RARB: variants seen among roughly 807,000 people sequenced by gnomAD.
RARB encodes HBV-activated protein.
Under a neutral mutation model 51.9 loss-of-function variants are expected in RARB, and 17 were observed. The observed-to-expected ratio is 0.33, with a 90% CI of 0.22 to 0.49. The LOEUF (loss-of-function observed/expected upper bound fraction) is 0.49, where lower values mean the gene tolerates loss of function less well. Ranked by LOEUF, RARB falls within the 20% of genes least tolerant of loss-of-function variation. The pLI is 0.99. For missense variants in RARB, 369 were observed against 550.8 expected, an observed-to-expected ratio of 0.67 and a Z score of 3.30; for synonymous variants, 215 against 195.4, an observed-to-expected ratio of 1.10 and a Z score of -0.84.
At chr3:24,980,013 C>A (rs1696608197) in intron 2 of RARB, among the ~76,000 whole-genome samples, 1 of 152,150 alleles carries the variant, frequency 6.6e-6, no homozygotes, top group African/African-American at 2.4e-5. Flanking sequence ...GATTTTATTT[C>A]TCCTTCACTT....
At chr3:25,230,176 A>G (rs559051283) in intron 5 of RARB, among the ~76,000 whole-genome samples, 2 of 152,254 alleles carry the variant, frequency 1.3e-5, no homozygotes, top group African/African-American at 4.8e-5. Flanking sequence ...CATTCTAAAA[A>G]TAACTATTTG....
At chr3:25,358,690 G>C (rs112991350) in intron 5 of RARB, among the ~76,000 whole-genome samples, 10 of 152,190 alleles carry the variant, frequency 6.6e-5, no homozygotes, top group South Asian at 4.2e-4. Flanking sequence ...TAGCATGAAG[G>C]GTTGTTGAAT....
intron 2 of RARB, among the ~76,000 whole-genome samples, chr3:24,997,226 G>A (rs559603680): frequency 1.3e-4 from 19 of 151,974 alleles, no homozygotes; most frequent in Non-Finnish European, 2.5e-4. Context: ...TTTTTTGCTC[G>A]TTTTTATAGC....
At chr3:25,158,132 G>A (rs1181453467) in intron 4 of RARB, among the ~76,000 whole-genome samples, 3 of 152,138 alleles carry the variant, frequency 2.0e-5, no homozygotes, top group African/African-American at 4.8e-5. Context: ...TACTGCTCAC[G>A]TATTACCAGC....
chr3:25,374,501 G>A (rs1706397841), intron 5 of RARB, among the ~76,000 whole-genome samples: 1 of 152,206 alleles, frequency 6.6e-6, no homozygotes, highest in South Asian at 2.1e-4. Flanking sequence ...CCAAATCATG[G>A]AGAGTATAAG....
chr3:25,365,403 T>G (rs1706087650), intron 5 of RARB, among the ~76,000 whole-genome samples: 1 of 151,894 alleles, frequency 6.6e-6, no homozygotes, highest in African/African-American at 2.4e-5. Context: ...TGAGCCACCA[T>G]GCCTGTCTCA....
At chr3:25,191,800 G>T (rs1004029424) in intron 5 of RARB, among the ~76,000 whole-genome samples, 2 of 152,100 alleles carry the variant, frequency 1.3e-5, no homozygotes, top group African/African-American at 4.8e-5. Context: ...ACAAGGCACA[G>T]TAGTTTGCTT....
At chr3:25,252,861 T>C (rs542959002) in intron 5 of RARB, among the ~76,000 whole-genome samples, 49 of 152,340 alleles carry the variant, frequency 3.2e-4, no homozygotes, top group African/African-American at 7.5e-4. Flanking sequence ...TCATGACTTA[T>C]GGATCTTCTT....
intron 2 of RARB, among the ~76,000 whole-genome samples, chr3:24,987,780 CA>C (rs1452347255): frequency 7.2e-5 from 11 of 152,234 alleles, no homozygotes; most frequent in African/African-American, 2.7e-4. Flanking sequence ...AGACCTCTTT[CA>C]GCCCCCTATT....
chr3:25,327,251 G>A (rs1704747707), intron 5 of RARB, among the ~76,000 whole-genome samples: 2 of 152,130 alleles, frequency 1.3e-5, no homozygotes, highest in African/African-American at 4.8e-5. Context: ...GGAATTTCCT[G>A]AGAACTGAAG....
At position 25,136,112 on chromosome 3, in the gene RARB, C is replaced by T. The variant is rs370555877; in HGVS notation, c.-280+3904C>T. On this transcript the variant is annotated intron_variant, in intron 4 of 11. Coordinates refer to the RARB transcript ENST00000383772. ...TAGAATATAAGAATAACGTGCTGTC[C>T]GAAAACCTCAGAATATAAAGGATTT... Among the ~76,000 whole-genome samples the T allele has an allele frequency of 2.7e-4, 41 of 151,890 alleles. 1 individual carries two copies. In the South Asian group the frequency reaches 6.2e-3, roughly 23 times the overall value.
chr3:24,909,742 C>A (rs1009031927), intron 2 of RARB, among the ~76,000 whole-genome samples: 3 of 152,072 alleles, frequency 2.0e-5, no homozygotes, highest in Non-Finnish European at 4.4e-5. Flanking sequence ...TCTTGTTGTG[C>A]TCTGCTTACA....
At chr3:25,066,434 T>C (rs1259417980) in intron 3 of RARB, among the ~76,000 whole-genome samples, 3 of 152,192 alleles carry the variant, frequency 2.0e-5, no homozygotes, top group Non-Finnish European at 4.4e-5. Flanking sequence ...TTTGAGTAAA[T>C]AATTTGTGCC....
intron 5 of RARB, among the ~76,000 whole-genome samples, chr3:25,370,704 A>G (rs1431148371): frequency 6.6e-6 from 1 of 152,210 alleles, no homozygotes; most frequent in Non-Finnish European, 1.5e-5. Context: ...GCCTTGAGTG[A>G]CAGCTGAAGG....
At chr3:25,512,592 C>A (rs1697949984) in intron 3 of RARB, among the ~76,000 whole-genome samples, 2 of 152,374 alleles carry the variant, frequency 1.3e-5, no homozygotes, top group Middle Eastern at 3.4e-3. Flanking sequence ...GACACAGCAT[C>A]CTTAGGCGGT....
intron 3 of RARB, among the ~76,000 whole-genome samples, chr3:25,064,261 C>T (rs950077081): frequency 2.0e-5 from 3 of 151,984 alleles, no homozygotes; most frequent in South Asian, 2.1e-4. Context: ...ATTTTTTCTC[C>T]ATTTCAGTTG....
intron 5 of RARB, among the ~76,000 whole-genome samples, chr3:25,188,443 A>G (rs562779076): frequency 6.6e-6 from 1 of 152,272 alleles, no homozygotes; most frequent in East Asian, 1.9e-4. Flanking sequence ...AAAAGTATTC[A>G]TGCCTGATTC....
chr3:25,026,929 G>A (rs750567378), intron 2 of RARB, among the ~76,000 whole-genome samples: 7 of 152,128 alleles, frequency 4.6e-5, no homozygotes, highest in Non-Finnish European at 8.8e-5. Flanking sequence ...ATTAGGAAGC[G>A]ATGAGTTTTA....
intron 7 of RARB, among the ~76,000 whole-genome samples, chr3:25,595,345 T>C (rs937606622): frequency 6.6e-6 from 1 of 152,222 alleles, no homozygotes; most frequent in Non-Finnish European, 1.5e-5. Flanking sequence ...TCTCTGAAGA[T>C]GTTTGCTAGC....
Sources: allele counts gnomAD v4.1 joint callset (sites outside exome capture counted in the v4.1 genomes callset), GRCh38; gene constraint gnomAD v4.1.1; transcripts MANE v1.5; gene names NCBI Gene and HGNC (gene_info 2026-07-23, HGNC 2026-07-21).